ZFHX3: variants seen among roughly 807,000 people sequenced by gnomAD.
ZFHX3 encodes zinc finger homeobox protein 3.
A neutral mutation model predicts 279.1 loss-of-function variants in ZFHX3; 42 were observed. The ratio of observed to expected loss-of-function variants is 0.15; its 90% CI spans 0.12 to 0.19. The LOEUF (loss-of-function observed/expected upper bound fraction) is 0.19. Ranked by LOEUF, ZFHX3 falls within the 10% of genes least tolerant of loss-of-function variation. The pLI is 1.00. For synonymous variants in ZFHX3, 2,293 were observed against 1,957.8 expected, an observed-to-expected ratio of 1.17 and a Z score of -4.52; for missense variants, 4,981 against 4,754.0, an observed-to-expected ratio of 1.05 and a Z score of -1.40.
chr16:73,186,623 C>A (rs914308138), intron 5 of ZFHX3, among the ~76,000 whole-genome samples: 6 of 150,808 alleles, frequency 4.0e-5, no homozygotes, highest in African/African-American at 9.8e-5. Context: ...AAGAACTTGG[C>A]CTTTTCTTCA....
At chr16:73,877,068 G>A (rs1252626799) in intron 1 of ZFHX3, among the ~76,000 whole-genome samples, 2 of 150,854 alleles carry the variant, frequency 1.3e-5, no homozygotes, top group Non-Finnish European at 2.9e-5. Context: ...AACAAGGTAA[G>A]GGAGAGAGAT....
In ZFHX3 at chr16:72,788,072, G is replaced by C. The variant is rs1174955854; in HGVS notation, c.10204C>G (p.Pro3402Ala). The change falls in exon 10 of 10, where the codon CCA (proline) becomes GCA (alanine). Residue 3402 changes from proline (P) to alanine (A), a missense_variant. Pro to Ala is a conservative substitution (Grantham distance 27). Around this residue, in one of 7 missense-constraint regions of ZFHX3, gnomAD observed 1,034 missense variants for 786.0 expected, o/e 1.32. Coordinates refer to ENST00000268489, the MANE Select transcript of ZFHX3 (RefSeq NM_006885.4). ...GGGGAAGGAGCCCCGGGGGGGACTG[G>C]GGTTTGGCTTGCTTTGGGCTGCTGC... The part of the protein sequence containing the change: ...QQQQPKASQT[P>A]VPPGAPSPDK... The C allele has an allele frequency of 1.2e-6, 2 of 1,611,954 alleles. No homozygotes were observed. Among genetic ancestry groups the C allele is most frequent in the African/African-American group, 1.3e-5 (1 of 74,898 alleles).
At chr16:72,917,868 T>C (rs2039480205) in intron 3 of ZFHX3, among the ~76,000 whole-genome samples, 1 of 152,182 alleles carries the variant, frequency 6.6e-6, no homozygotes, top group African/African-American at 2.4e-5. Context: ...TGGAAATATA[T>C]ATGTGTGTAT....
chr16:72,995,169 T>C (rs1963237530), intron 1 of ZFHX3, among the ~76,000 whole-genome samples: 1 of 152,138 alleles, frequency 6.6e-6, no homozygotes, highest in South Asian at 2.1e-4. Flanking sequence ...TCAGAAAATA[T>C]TCTACAGAGT....
intron 1 of ZFHX3, among the ~76,000 whole-genome samples, chr16:73,008,510 A>AT (rs1355201664): frequency 8.5e-4 from 129 of 152,354 alleles, no homozygotes; most frequent in Non-Finnish European, 4.1e-4. Flanking sequence ...TGTGATGGCC[A>AT]TATCTACAGA....
intron 5 of ZFHX3, among the ~76,000 whole-genome samples, chr16:73,233,708 A>G (rs2012851373): frequency 6.6e-6 from 1 of 152,190 alleles, no homozygotes; most frequent in African/African-American, 2.4e-5. Context: ...TCAAGTAATA[A>G]AACGAGCTGG....
At chr16:73,656,124 A>G (rs1597050316) in intron 2 of ZFHX3, among the ~76,000 whole-genome samples, 1 of 152,040 alleles carries the variant, frequency 6.6e-6, no homozygotes, top group East Asian at 2.0e-4. Context: ...TTTTGTAAAC[A>G]AAGCTTTAGT....
chr16:73,228,647 AG>A (rs1249821458), intron 5 of ZFHX3, among the ~76,000 whole-genome samples: 1 of 152,196 alleles, frequency 6.6e-6, no homozygotes, highest in Non-Finnish European at 1.5e-5. Context: ...TGGGTGACAG[AG>A]GGAGACCCTG....
intron 3 of ZFHX3, among the ~76,000 whole-genome samples, chr16:73,328,924 TCTC>T (rs1259854912): frequency 6.6e-6 from 1 of 152,202 alleles, no homozygotes; most frequent in African/African-American, 2.4e-5. Context: ...GCTCTTCCTT[TCTC>T]CTCTTCAGCG....
chr16:73,010,116 G>A (rs576080153), intron 1 of ZFHX3, among the ~76,000 whole-genome samples: 3 of 151,892 alleles, frequency 2.0e-5, no homozygotes, highest in South Asian at 4.2e-4. Flanking sequence ...CCCATGGGAA[G>A]GTGGCACTCA....
At chr16:73,384,523 G>A (rs2016866620) in intron 3 of ZFHX3, among the ~76,000 whole-genome samples, 1 of 152,226 alleles carries the variant, frequency 6.6e-6, no homozygotes, top group Non-Finnish European at 1.5e-5. Flanking sequence ...ACAAAAGTAT[G>A]ATGAACCATT....
intron 4 of ZFHX3, among the ~76,000 whole-genome samples, chr16:73,294,698 C>G (rs544810962): frequency 6.6e-6 from 1 of 151,926 alleles, no homozygotes; most frequent in East Asian, 2.0e-4. Flanking sequence ...GTAATTCCAG[C>G]TACTCAGGGT....
chr16:73,365,416 G>C (rs931249785), intron 3 of ZFHX3, among the ~76,000 whole-genome samples: 1 of 152,212 alleles, frequency 6.6e-6, no homozygotes, highest in Non-Finnish European at 1.5e-5. Flanking sequence ...CATTGCTGGG[G>C]CTTGAAAGCT....
chr16:73,528,175 G>A (rs1425859226), intron 2 of ZFHX3, among the ~76,000 whole-genome samples: 1 of 152,160 alleles, frequency 6.6e-6, no homozygotes, highest in South Asian at 2.1e-4. Context: ...CGTGGGAAGG[G>A]AAATTCGATG....
At chr16:72,969,525 C>A (rs1370189430) in intron 1 of ZFHX3, among the ~76,000 whole-genome samples, 2 of 151,998 alleles carry the variant, frequency 1.3e-5, no homozygotes, top group Non-Finnish European at 2.9e-5. Flanking sequence ...AAAAGGAGAA[C>A]TCCAGCAGCC....
At chr16:73,265,659 T>C (rs2013954164) in intron 4 of ZFHX3, among the ~76,000 whole-genome samples, 1 of 152,180 alleles carries the variant, frequency 6.6e-6, no homozygotes, top group Non-Finnish European at 1.5e-5. Context: ...GCCTGGAAAT[T>C]CTGGTCCATG....
chr16:72,852,474 G>T (rs2143844873), intron 4 of ZFHX3, among the ~76,000 whole-genome samples: 1 of 152,320 alleles, frequency 6.6e-6, no homozygotes, highest in East Asian at 1.9e-4. Context: ...CATCTCTTAA[G>T]TGGACAAAAC....
intron 4 of ZFHX3, among the ~76,000 whole-genome samples, chr16:72,858,799 C>A (rs1039093935): frequency 6.6e-6 from 1 of 152,228 alleles, no homozygotes; most frequent in Non-Finnish European, 1.5e-5. Context: ...GCAACCTGGG[C>A]GACACAGAGG....
chr16:72,817,223 G>C (rs1018501738), intron 5 of ZFHX3, among the ~76,000 whole-genome samples: 1 of 152,188 alleles, frequency 6.6e-6, no homozygotes, highest in Non-Finnish European at 1.5e-5. Context: ...AACCATTCTT[G>C]CTAGAACAAA....
Sources: allele counts gnomAD v4.1 joint callset (sites outside exome capture counted in the v4.1 genomes callset), GRCh38; gene constraint gnomAD v4.1.1; regional missense constraint gnomAD v4.1.1; transcripts MANE v1.5; gene names NCBI Gene and HGNC (gene_info 2026-07-23, HGNC 2026-07-21).